AKAP11: variants seen among roughly 807,000 people sequenced by gnomAD.
The protein encoded by AKAP11 is A-kinase anchoring protein 11.
A neutral mutation model predicts 146.1 loss-of-function variants in AKAP11; 36 were observed. That is an observed-to-expected ratio of 0.25 (90% confidence interval 0.19 to 0.33). AKAP11 has a LOEUF of 0.33. Among genes scored for constraint, AKAP11 ranks in the 10% least tolerant of loss-of-function variants. The probability of loss-of-function intolerance (pLI) is 1.00; values close to 1 mark genes in which losing one functional copy is unlikely to be tolerated. For synonymous variants in AKAP11, 780 were observed against 786.5 expected, an observed-to-expected ratio of 0.99 and a Z score of 0.14; for missense variants, 2,201 against 2,197.0, an observed-to-expected ratio of 1.00 and a Z score of -0.04.
chr13:42,294,202 C>G (rs1171820422), intron 4 of AKAP11, among the ~76,000 whole-genome samples: 1 of 151,954 alleles, frequency 6.6e-6, no homozygotes, highest in African/African-American at 2.4e-5. Flanking sequence ...TACTATTGTC[C>G]CCACATTCTT....
chr13:42,272,690 C>G (rs904455941), intron 1 of AKAP11, among the ~76,000 whole-genome samples: 1 of 152,206 alleles, frequency 6.6e-6, no homozygotes, highest in African/African-American at 2.4e-5. Flanking sequence ...CCTTCACTGT[C>G]AGACCCCCGG....
chr13:42,284,215 C>G (rs1959121778), intron 1 of AKAP11, among the ~76,000 whole-genome samples: 1 of 152,190 alleles, frequency 6.6e-6, no homozygotes, highest in African/African-American at 2.4e-5. Context: ...CATTATGAGC[C>G]CTTGTTAATA....
rs1959869532 is a variant in AKAP11, at chr13:42,301,114, C to T, written c.2368C>T (p.Leu790Phe). The change falls in exon 8 of 13, where the codon CTC (leucine) becomes TTC (phenylalanine). Residue 790 changes from leucine (L) to phenylalanine (F), a missense_variant. Leu to Phe is a conservative substitution (Grantham distance 22, BLOSUM62 0). Transcript: ENST00000025301. ...IPVPLAGSAL[L>F]PYHISSTACQ... ...GGTGCCCTTGGCAGGAAGTGCCCTT[C>T]TCCCATATCATATTTCATCTACTGC... is the stretch of plus-strand genomic sequence containing the variant. 1 of 1,613,954 alleles carries T rather than the reference C, an allele frequency of 6.2e-7. No homozygotes were observed. Among genetic ancestry groups the T allele is most frequent in the African/African-American group, 1.3e-5 (1 of 74,924 alleles).
intron 1 of AKAP11, among the ~76,000 whole-genome samples, chr13:42,273,130 T>G (rs1220423293): frequency 8.5e-5 from 13 of 152,224 alleles, no homozygotes; most frequent in Non-Finnish European, 5.9e-5. Context: ...TCTTTTCAGC[T>G]TTTCAATCGC....
chr13:42,286,312 T>C lies in AKAP11; in HGVS notation c.-37T>C. ...ATGTTTTCTTTAGGTGTTTTGTGGATTAACTCTTCATTGATTATATACAAC... is the reference window on the plus strand; with the variant it reads ...ATGTTTTCTTTAGGTGTTTTGTGGACTAACTCTTCATTGATTATATACAAC... On this transcript the variant is annotated 5_prime_UTR_variant, in exon 3 of 13. Transcript: ENST00000025301. 6.9e-7 allele frequency: 1 copy of C among 1,443,334 alleles called. No individual in the cohort carries two copies. Among genetic ancestry groups the C allele is most frequent in the Non-Finnish European group, 9.5e-7 (1 of 1,054,580 alleles). The allele number at this position is 1,443,334 out of a possible 1,614,324, so 89.4% of individuals were successfully genotyped here. A position where few individuals can be genotyped will look rare whatever the true frequency, so the allele number is the denominator to read the frequency against.
At chr13:42,307,977 G>C (rs1960356005) in intron 8 of AKAP11, among the ~76,000 whole-genome samples, 1 of 152,178 alleles carries the variant, frequency 6.6e-6, no homozygotes, top group Non-Finnish European at 1.5e-5. Context: ...TATGATCTAT[G>C]TTCAAAATCT....
rs1959255640 is a variant in AKAP11 at position 42,292,514 on chromosome 13, A to G, written c.168+13A>G. 2 of 1,467,978 alleles carry G rather than the reference A, an allele frequency of 1.4e-6. No homozygotes were observed. Among genetic ancestry groups the G allele is most frequent in the Non-Finnish European group, 9.4e-7 (1 of 1,062,758 alleles). 90.9% of individuals were successfully genotyped at this position (1,467,978 alleles called of 1,614,324 possible). A position where few individuals can be genotyped will look rare whatever the true frequency, so the allele number is the denominator to read the frequency against. On this transcript the variant is annotated intron_variant, in intron 4 of 12. Coordinates refer to ENST00000025301, the MANE Select transcript of AKAP11 (RefSeq NM_016248.4). ...CAATTTAACTGAGGTTTAACATACT[A>G]CTTTCTAAACCCTTTCCTAATAATG...
rs1433516199 is a variant in AKAP11, at chr13:42,302,092, G to A, written c.3346G>A (p.Asp1116Asn). Residue 1116 changes from aspartate to asparagine, a missense_variant, in exon 8 of 13, where the codon GAT becomes AAT. Physicochemically the swap from Asp to Asn is conservative, Grantham distance 23. This residue lies in a region of AKAP11 where 1,867 missense variants were observed against 1,833.5 expected (regional missense o/e 1.02). Transcript: ENST00000025301. ...LVPSRASSEW[D>N]IKKLTKKLKG... ...ACCATCCCGGGCTAGTTCTGAATGGGATATCAAGAAGTTAACTAAAAAGCT... is the reference window on the plus strand; with the variant it reads ...ACCATCCCGGGCTAGTTCTGAATGGAATATCAAGAAGTTAACTAAAAAGCT... The A allele has an allele frequency of 8.1e-6, 13 of 1,614,128 alleles. No homozygotes were observed. The highest frequency in any genetic ancestry group is 1.0e-5 in the Non-Finnish European group (12 of 1,180,008).
In AKAP11 at chr13:42,300,583, A is replaced by G. The variant is rs944132242; in HGVS notation, c.1837A>G (p.Ser613Gly). Residue 613 changes from serine (S) to glycine (G), a missense_variant, in exon 8 of 13, where the codon AGT becomes GGT. Around this residue, in one of 3 missense-constraint regions of AKAP11, gnomAD observed 1,867 missense variants for 1,833.5 expected, o/e 1.02. Transcript: ENST00000025301. ...ATTTTCACTAAAAGAACGTGCCATT[A>G]GTGGCCTGGCTAACTTTTTGGTGAG... is the stretch of plus-strand genomic sequence containing the variant. ...RAFSLKERAI[S>G]GLANFLVSEA... The G allele has an allele frequency of 1.2e-6, 2 of 1,614,040 alleles. No homozygotes were observed. Among genetic ancestry groups the G allele is most frequent in the Non-Finnish European group, 8.5e-7 (1 of 1,179,922 alleles).
intron 3 of AKAP11, among the ~76,000 whole-genome samples, chr13:42,288,712 A>G (rs1303336292): frequency 2.0e-5 from 3 of 152,208 alleles, no homozygotes; most frequent in Non-Finnish European, 2.9e-5. Flanking sequence ...TTGGTTTGAA[A>G]GAATTTTTCC....
chr13:42,314,063 AT>A (rs1960697224), intron 11 of AKAP11, 123 bp downstream of exon 11: 1 of 903,312 alleles, frequency 1.1e-6, no homozygotes, highest in Non-Finnish European at 1.7e-6. Flanking sequence ...AAATCAGGGT[AT>A]TCTTGAACTA....
chr13:42,294,857 G>A (rs995810816), intron 4 of AKAP11, among the ~76,000 whole-genome samples: 1 of 152,178 alleles, frequency 6.6e-6, no homozygotes, highest in Non-Finnish European at 1.5e-5. Flanking sequence ...ATAGTTTGGT[G>A]TATTGCCTTC....
intron 8 of AKAP11, 85 bp downstream of exon 8, chr13:42,303,948 GA>G: frequency 7.0e-7 from 1 of 1,429,316 alleles, no homozygotes; most frequent in Non-Finnish European, 9.3e-7. Context: ...GTTCATAAAG[GA>G]ATGATTATTT....
intron 12 of AKAP11, among the ~76,000 whole-genome samples, chr13:42,318,435 A>C (rs979988694): frequency 1.3e-5 from 2 of 152,134 alleles, no homozygotes; most frequent in Admixed American, 6.5e-5. Flanking sequence ...ACAAAATTAA[A>C]GTAGTTTTTC....
upstream of AKAP11, among the ~76,000 whole-genome samples, chr13:42,271,893 C>T (rs1299192145): frequency 6.6e-6 from 1 of 151,066 alleles, no homozygotes; most frequent in African/African-American, 2.4e-5. Flanking sequence ...CACTGGAGCA[C>T]GTGGGAAGGC....
At chr13:42,296,328 G>A (rs1480962262) in intron 5 of AKAP11, among the ~76,000 whole-genome samples, 1 of 152,100 alleles carries the variant, frequency 6.6e-6, no homozygotes, top group Non-Finnish European at 1.5e-5. Flanking sequence ...GAAATAATTT[G>A]GACAGAAGGA....
chr13:42,317,778 G>A lies in AKAP11; in HGVS notation c.5565+90G>A, dbSNP rs148203705. 1.7e-4 allele frequency: 247 copies of A among 1,416,880 alleles called. 1 individual carries two copies. The African/African-American group carries it at 3.2e-3, about 19-fold the overall frequency. The allele number at this position is 1,416,880 out of a possible 1,614,324, so 87.8% of individuals were successfully genotyped here. A position where few individuals can be genotyped will look rare whatever the true frequency, so the allele number is the denominator to read the frequency against. ...TTGGTCTAACAAGATGCCTGGTGAT[G>A]GTTAAATTCTTAGGCTGTAGTGTCC... is the stretch of plus-strand genomic sequence containing the variant. On this transcript the variant is annotated intron_variant, in intron 12 of 12. Transcript: ENST00000025301.
intron 6 of AKAP11, 105 bp downstream of exon 6, chr13:42,297,287 A>T (rs1959572511): frequency 2.4e-6 from 2 of 832,130 alleles, no homozygotes; most frequent in Non-Finnish European, 3.5e-6. Context: ...TGTTTTTTTT[A>T]AATGGTATCT....
chr13:42,313,463 T>C (rs1295206497), intron 10 of AKAP11, among the ~76,000 whole-genome samples: 1 of 152,204 alleles, frequency 6.6e-6, no homozygotes, highest in Admixed American at 6.5e-5. Flanking sequence ...TGTGTGTGAT[T>C]TTATTTTATA....
Sources: gnomAD v4.1 joint callset for allele counts (sites outside exome capture counted in the v4.1 genomes callset) on GRCh38, gnomAD v4.1.1 for gene constraint, gnomAD v4.1.1 regional missense constraint, MANE v1.5 for transcripts, NCBI Gene and HGNC (gene_info 2026-07-23, HGNC 2026-07-21) for gene names.